KATNA1: variants seen among roughly 807,000 people sequenced by gnomAD.
KATNA1 encodes katanin catalytic subunit A1.
A neutral mutation model predicts 62.6 loss-of-function variants in KATNA1; 42 were observed. The ratio of observed to expected loss-of-function variants is 0.67; its 90% CI spans 0.52 to 0.87. KATNA1 has a LOEUF of 0.87. Ranked by LOEUF, KATNA1 falls within the 40% of genes least tolerant of loss-of-function variation. The pLI is 0.00. For missense variants in KATNA1, 498 were observed against 612.5 expected, an observed-to-expected ratio of 0.81 and a Z score of 1.97; for synonymous variants, 186 against 201.9, an observed-to-expected ratio of 0.92 and a Z score of 0.67.
chr6:149,602,268 GAGGCAGCGGAATCAATTCAACCCGT>G (rs1403242142), intron 6 of KATNA1, among the ~76,000 whole-genome samples: 5 of 152,198 alleles, frequency 3.3e-5, no homozygotes, highest in Admixed American at 6.5e-5. Context: ...TCGGGAGGCT[GAGGCAGCGGAATCAATTCAACCCGT>G]TAGGCGGAGA....
chr6:149,632,416 A>G (rs1462751249), intron 3 of KATNA1, among the ~76,000 whole-genome samples: 1 of 152,080 alleles, frequency 6.6e-6, no homozygotes, highest in African/African-American at 2.4e-5. Context: ...AGGCCTAAAA[A>G]GGTTTTATTA....
At chr6:149,608,712 G>A (rs1442168701) in intron 4 of KATNA1, among the ~76,000 whole-genome samples, 1 of 151,584 alleles carries the variant, frequency 6.6e-6, no homozygotes, top group Non-Finnish European at 1.5e-5. Context: ...ACCCCTCCCC[G>A]CCACAGTCAC....
At chr6:149,623,057 A>G in intron 4 of KATNA1, 46 bp downstream of exon 4, 1 of 1,369,718 alleles carries the variant, frequency 7.3e-7, no homozygotes, top group East Asian at 2.3e-5. Context: ...CTTCATTTTT[A>G]CGGTTCAAAA....
chr6:149,611,232 A>G (rs1778940828), intron 4 of KATNA1, among the ~76,000 whole-genome samples: 1 of 152,032 alleles, frequency 6.6e-6, no homozygotes, highest in Non-Finnish European at 1.5e-5. Flanking sequence ...AGGCCAAGGC[A>G]GGAGGGATTG....
chr6:149,597,184 C>G lies in KATNA1; in HGVS notation c.1156G>C (p.Gly386Arg). The G allele has an allele frequency of 6.2e-7, 1 of 1,613,326 alleles. No individual in the cohort carries two copies. ...CTTATTCGTAATAGCTCCTCCCTGC[C>G]TTTTGCTAATGGTAGAAACAAATTT... ...RIYIPLPSAK[G>R]REELLRISLR... Residue 386 changes from glycine to arginine, a missense_variant, in exon 10 of 11, where the codon GGC becomes CGC. By Grantham distance (125) the Gly-to-Arg change is moderately radical (BLOSUM62 -2). Transcript: ENST00000367411.
At position 149,627,427 on chromosome 6, in the gene KATNA1, G is replaced by A. The variant is rs562855488; in HGVS notation, c.321-4144C>T. ...AAAAATACAAAAAAATTAGCTGGGC[G>A]TGGTGGTGCATGCCTGTAATCCCAG... On this transcript the variant is annotated intron_variant, in intron 3 of 10. Transcript: ENST00000367411. Among the ~76,000 whole-genome samples the A allele has an allele frequency of 7.3e-5, 11 of 150,616 alleles. No individual in the cohort carries two copies. The South Asian group carries it at 1.5e-3, about 20-fold the overall frequency.
intron 4 of KATNA1, among the ~76,000 whole-genome samples, chr6:149,611,995 AT>A (rs1434502181): frequency 6.6e-6 from 1 of 151,654 alleles, no homozygotes; most frequent in African/African-American, 2.4e-5. Flanking sequence ...GCGAGACTCC[AT>A]CTCAAAAAAT....
intron 10 of KATNA1, 22 bp from the exon 11 acceptor site, chr6:149,595,256 A>G (rs1395016573): frequency 1.3e-6 from 2 of 1,585,852 alleles, no homozygotes; most frequent in Non-Finnish European, 1.7e-6. Context: ...GTTAAAAACA[A>G]CAACAACACA....
At chr6:149,599,719 T>C (rs1036151017) in intron 7 of KATNA1, among the ~76,000 whole-genome samples, 3 of 152,108 alleles carry the variant, frequency 2.0e-5, no homozygotes, top group Non-Finnish European at 4.4e-5. Flanking sequence ...GGTTTCATCA[T>C]GTTGGCCAGG....
chr6:149,622,808 G>A (rs1227620362), intron 4 of KATNA1, among the ~76,000 whole-genome samples: 7 of 150,790 alleles, frequency 4.6e-5, no homozygotes. Context: ...TAAAGAGTTC[G>A]AGACTAGCCT....
chr6:149,638,366 A>G lies in KATNA1; in HGVS notation c.162+20T>C. 2 of 1,606,222 alleles carry G rather than the reference A, an allele frequency of 1.2e-6. No homozygotes were observed. The highest frequency in any genetic ancestry group is 1.7e-6 in the Non-Finnish European group (2 of 1,176,158). On this transcript the variant is annotated intron_variant, in intron 2 of 10. Transcript: ENST00000367411. ...CCGAGTACTTAAGCCATTAAAACAT[A>G]CAGCAGCCATTACTCTCACCTGTTG...
chr6:149,597,355 T>A, intron 9 of KATNA1, 152 bp downstream of exon 9: 1 of 1,141,962 alleles, frequency 8.8e-7, no homozygotes, highest in Non-Finnish European at 1.2e-6. Context: ...CCTTACTATT[T>A]AGTATTAAGG....
chr6:149,603,225 G>T, intron 6 of KATNA1, 43 bp downstream of exon 6: 2 of 795,086 alleles, frequency 2.5e-6, no homozygotes, highest in Non-Finnish European at 4.2e-6. Context: ...GTATCAACAT[G>T]CTGCCATTTA....
intron 4 of KATNA1, 33 bp from the exon 5 acceptor site, chr6:149,604,815 T>G: frequency 6.3e-7 from 1 of 1,597,910 alleles, no homozygotes; most frequent in Non-Finnish European, 8.5e-7. Context: ...GCGCTTTTGA[T>G]TCATTTATTT....
chr6:149,641,359 G>A (rs1780277777), intron 1 of KATNA1, among the ~76,000 whole-genome samples: 1 of 151,210 alleles, frequency 6.6e-6, no homozygotes, highest in South Asian at 2.1e-4. Context: ...TGTATTTTTA[G>A]TAGAGATGGG....
chr6:149,639,988 A>G (rs1326321029), intron 1 of KATNA1, among the ~76,000 whole-genome samples: 6 of 152,210 alleles, frequency 3.9e-5, no homozygotes, highest in Non-Finnish European at 7.3e-5. Flanking sequence ...CAGAAGGCGT[A>G]TGTATTTTGA....
rs1298906291 is a variant in KATNA1, at chr6:149,615,365, T to C, written c.501+7738A>G. Among the ~76,000 whole-genome samples the C allele has an allele frequency of 3.3e-5, 5 of 151,718 alleles. No homozygotes were observed. The East Asian group carries it at 5.9e-4, about 18-fold the overall frequency. On this transcript the variant is annotated intron_variant, in intron 4 of 10. Coordinates refer to ENST00000367411, the MANE Select transcript of KATNA1 (RefSeq NM_007044.4). Reference sequence around the variant, plus strand: ...GATTACAGGTGCCCGCCACCATGCCTGGCTGATTTTTTGTATTTTAGTAGA... The same window carrying C: ...GATTACAGGTGCCCGCCACCATGCCCGGCTGATTTTTTGTATTTTAGTAGA...
intron 3 of KATNA1, among the ~76,000 whole-genome samples, chr6:149,628,663 T>C (rs1403545989): frequency 6.6e-6 from 1 of 151,328 alleles, no homozygotes; most frequent in Non-Finnish European, 1.5e-5. Context: ...CTACTAATAA[T>C]ACAAAAATTA....
intron 4 of KATNA1, among the ~76,000 whole-genome samples, chr6:149,607,970 G>T (rs192575681): frequency 4.6e-5 from 7 of 152,050 alleles, no homozygotes; most frequent in Non-Finnish European, 7.4e-5. Flanking sequence ...GGAGGCTGAG[G>T]CAGGAGAATC....
Sources: allele counts gnomAD v4.1 joint callset (sites outside exome capture counted in the v4.1 genomes callset), GRCh38; gene constraint gnomAD v4.1.1; transcripts MANE v1.5; gene names NCBI Gene and HGNC (gene_info 2026-07-23, HGNC 2026-07-21).